Variants in MAP1LC3B observed in about 807,000 individuals in gnomAD.
MAP1LC3B encodes microtubule associated protein 1 light chain 3 beta.
MAP1LC3B carries 12 observed loss-of-function variants against 16.7 expected under a neutral mutation model. That is an observed-to-expected ratio of 0.72 (90% confidence interval 0.46 to 1.16). The LOEUF (loss-of-function observed/expected upper bound fraction) is 1.16. Ranked by LOEUF, MAP1LC3B falls within the 50% of genes most tolerant of loss-of-function variation. MAP1LC3B has a pLI of 0.00. For missense variants in MAP1LC3B, 155 were observed against 159.5 expected, an observed-to-expected ratio of 0.97 and a Z score of 0.15; for synonymous variants, 63 against 56.5, an observed-to-expected ratio of 1.11 and a Z score of -0.51.
chr16:87,402,067 C>T lies in MAP1LC3B; in HGVS notation c.97-108C>T, dbSNP rs1043498784. On this transcript the variant is annotated intron_variant, in intron 2 of 3. Coordinates refer to ENST00000268607, the MANE Select transcript of MAP1LC3B (RefSeq NM_022818.5). Reference sequence around the variant, plus strand: ...AGCCAGGGTGGTCTCAGTCTCCTGACCTCGTGATGTGCCCGCCTCGGCCTC... The same window carrying T: ...AGCCAGGGTGGTCTCAGTCTCCTGATCTCGTGATGTGCCCGCCTCGGCCTC... 12 of 978,050 alleles carry T rather than the reference C, an allele frequency of 1.2e-5. No individual in the cohort carries two copies. In the Admixed American group the frequency reaches 1.5e-4, roughly 12 times the overall value. The allele number at this position is 978,050 out of a possible 1,614,324, so 60.6% of individuals were successfully genotyped here.
intron 1 of MAP1LC3B, 51 bp downstream of exon 1, chr16:87,392,518 G>T: frequency 7.9e-7 from 1 of 1,266,380 alleles, no homozygotes; most frequent in Non-Finnish European, 9.9e-7. Flanking sequence ...GGTCCGAGCT[G>T]TGGAGGGCGG....
chr16:87,392,501 G>T, intron 1 of MAP1LC3B, 34 bp downstream of exon 1: 1 of 1,299,340 alleles, frequency 7.7e-7, no homozygotes. Flanking sequence ...GGGTGCGGCG[G>T]GGCCGGGGTC....
At position 87,403,150 on chromosome 16, in the gene MAP1LC3B, A is replaced by C; in HGVS notation, c.*53A>C. The C allele has an allele frequency of 8.3e-6, 13 of 1,557,150 alleles. No homozygotes were observed. Among genetic ancestry groups the C allele is most frequent in the Non-Finnish European group, 1.0e-5 (12 of 1,155,032 alleles). On this transcript the variant is annotated 3_prime_UTR_variant, in exon 4 of 4. Transcript: ENST00000268607. ...ATTGTTTAAACCCTTACCAAGGAAA[A>C]AAAAGGGATGTTACCAACTGAGATC... is the stretch of plus-strand genomic sequence containing the variant.
At chr16:87,401,354 C>T (rs1027004825) in intron 2 of MAP1LC3B, among the ~76,000 whole-genome samples, 10 of 152,060 alleles carry the variant, frequency 6.6e-5, no homozygotes, top group Non-Finnish European at 2.9e-5. Flanking sequence ...TCCTACCTGA[C>T]GGCAGACATA....
chr16:87,400,875 CCTGTATCCCAGCA>C (rs1281232724), intron 2 of MAP1LC3B, among the ~76,000 whole-genome samples: 1 of 152,058 alleles, frequency 6.6e-6, no homozygotes, highest in Non-Finnish European at 1.5e-5. Flanking sequence ...GTGGCTCACG[CCTGTATCCCAGCA>C]CTTTGGAAGG....
chr16:87,396,047 G>GT (rs1907789586), intron 1 of MAP1LC3B, among the ~76,000 whole-genome samples: 1 of 151,262 alleles, frequency 6.6e-6, no homozygotes, highest in Non-Finnish European at 1.5e-5. Context: ...TTTTAGTAAA[G>GT]ACAGGGTTTC....
Position 87,392,485 on chromosome 16 carries a change from G to GGCGGCGGGT in MAP1LC3B, c.40+27_40+35dup. On this transcript the variant is annotated intron_variant, in intron 1 of 3. Transcript: ENST00000268607. Reference sequence around the variant, plus strand: ...CACCTTCGGTGAGTGTCGCCGCGAGGGCGGCGGGTGCGGCGGGGCCGGGGT... The same window carrying GGCGGCGGGT: ...CACCTTCGGTGAGTGTCGCCGCGAGGGCGGCGGGTGCGGCGGGTGCGGCGGGGCCGGGGT... 7.6e-7 allele frequency: 1 copy of GGCGGCGGGT among 1,308,174 alleles called. No individual in the cohort carries two copies. Among genetic ancestry groups the GGCGGCGGGT allele is most frequent in the Non-Finnish European group, 9.7e-7 (1 of 1,033,042 alleles). 81.0% of individuals were successfully genotyped at this position (1,308,174 alleles called of 1,614,324 possible).
Position 87,392,359 on chromosome 16 carries a change from AGCCGCCGCCCCCGGGAGCC to A in MAP1LC3B, c.-64_-46del. 7.4e-7 allele frequency: 1 copy of A among 1,355,142 alleles called. No individual in the cohort carries two copies. Among genetic ancestry groups the A allele is most frequent in the Non-Finnish European group, 9.5e-7 (1 of 1,056,646 alleles). 83.9% of individuals were successfully genotyped at this position (1,355,142 alleles called of 1,614,324 possible). A position where few individuals can be genotyped will look rare whatever the true frequency, so the allele number is the denominator to read the frequency against. On this transcript the variant is annotated 5_prime_UTR_variant, in exon 1 of 4. Coordinates refer to ENST00000268607, the MANE Select transcript of MAP1LC3B (RefSeq NM_022818.5). ...CCAGAGTCGGATTCGCCGCCGCAGC[AGCCGCCGCCCCCGGGAGCC>A]GCCGGGACCCTCGCGTCGTCGCCGC...
At position 87,404,183 on chromosome 16, in the gene MAP1LC3B, C is replaced by G. The variant is rs996896059; in HGVS notation, c.*1086C>G. 1.3e-5 allele frequency: 2 copies of G among 152,192 alleles called. No individual in the cohort carries two copies. Among genetic ancestry groups the G allele is most frequent in the African/African-American group, 4.8e-5 (2 of 41,424 alleles). 9.4% of individuals were successfully genotyped at this position (152,192 alleles called of 1,614,324 possible). On this transcript the variant is annotated 3_prime_UTR_variant, in exon 4 of 4. Transcript: ENST00000268607. ...AAAACATAGCAAAAAGAGCCGTACG[C>G]TCTTTACAGATACTAATGTCAAGAG...
chr16:87,398,871 G>A lies in MAP1LC3B; in HGVS notation c.96+1G>A. 1 of 1,613,860 alleles carries A rather than the reference G, an allele frequency of 6.2e-7. No individual in the cohort carries two copies. The highest frequency in any genetic ancestry group is 8.5e-7 in the Non-Finnish European group (1 of 1,179,708). ...AGAGCAGCATCCAACCAAAATCCCGGTAGGTAGTCTCAGGCCTCGGTTTCA... is the reference window on the plus strand; with the variant it reads ...AGAGCAGCATCCAACCAAAATCCCGATAGGTAGTCTCAGGCCTCGGTTTCA... On this transcript the variant is annotated splice_donor_variant, in intron 2 of 3. Coordinates refer to ENST00000268607, the MANE Select transcript of MAP1LC3B (RefSeq NM_022818.5). LOFTEE classifies it high-confidence loss of function.
rs7865 is a variant in MAP1LC3B, at chr16:87,403,202, G to C, written c.*105G>C. ...ATCAGTTCATCCAATCACAGATCAT[G>C]AAACAGTAGTGTTCCCACCTAGGAG... On this transcript the variant is annotated 3_prime_UTR_variant, in exon 4 of 4. Transcript: ENST00000268607. The C allele has an allele frequency of 0.055, 78,519 of 1,422,760 alleles. 9,429 individuals carry two copies. Among genetic ancestry groups the C allele is most frequent in the African/African-American group, 0.49 (33,261 of 68,074 alleles). 88.1% of individuals were successfully genotyped at this position (1,422,760 alleles called of 1,614,324 possible).
rs767001083 is a variant in MAP1LC3B at position 87,402,984 on chromosome 16, G to A, written c.265G>A (p.Val89Ile). ...FFLLVNGHSM[V>I]SVSTPISEVY... ...CCTGTTGGTGAACGGACACAGCATG[G>A]TCAGCGTCTCCACACCAATCTCAGA... is the stretch of plus-strand genomic sequence containing the variant. Residue 89 changes from valine (V) to isoleucine (I), a missense_variant, in exon 4 of 4, where the codon GTC becomes ATC. Coordinates refer to ENST00000268607, the MANE Select transcript of MAP1LC3B (RefSeq NM_022818.5). 3.1e-6 allele frequency: 5 copies of A among 1,614,014 alleles called. No homozygotes were observed. In the Admixed American group the frequency reaches 8.3e-5, roughly 27 times the overall value.
chr16:87,392,459 G>T lies in MAP1LC3B; in HGVS notation c.32G>T (p.Arg11Leu), dbSNP rs1298120918. 17 of 1,366,676 alleles carry T rather than the reference G, an allele frequency of 1.2e-5. No individual in the cohort carries two copies. The highest frequency in any genetic ancestry group is 1.5e-5 in the Non-Finnish European group (16 of 1,068,218). The allele number at this position is 1,366,676 out of a possible 1,614,324, so 84.7% of individuals were successfully genotyped here. A position where few individuals can be genotyped will look rare whatever the true frequency, so the allele number is the denominator to read the frequency against. Residue 11 changes from arginine to leucine, a missense_variant, in exon 1 of 4, where the codon CGC (arginine) becomes CTC (leucine). Transcript: ENST00000268607. ...TCGGAGAAGACCTTCAAGCAGCGCC[G>T]CACCTTCGGTGAGTGTCGCCGCGAG... MPSEKTFKQR[R>L]TFEQRVEDVR...
Sources: gnomAD v4.1 joint callset for allele counts (sites outside exome capture counted in the v4.1 genomes callset) on GRCh38, gnomAD v4.1.1 for gene constraint, MANE v1.5 for transcripts, NCBI Gene and HGNC (gene_info 2026-07-23, HGNC 2026-07-21) for gene names.